NPRL2: variants seen among roughly 807,000 people sequenced by gnomAD.
The protein encoded by NPRL2 is NPR2 like, GATOR1 complex subunit, also known as GATOR1 complex protein NPRL2.
In NPRL2, 21 loss-of-function variants were observed where a neutral mutation model predicts 51.1. The ratio of observed to expected loss-of-function variants is 0.41; its 90% confidence interval spans 0.29 to 0.59. The LOEUF (loss-of-function observed/expected upper bound fraction) is 0.59. Ranked by LOEUF, NPRL2 falls within the 20% of genes least tolerant of loss-of-function variation. The pLI is 0.29. For synonymous variants in NPRL2, 175 were observed against 187.8 expected, an observed-to-expected ratio of 0.93 and a Z score of 0.56; for missense variants, 376 against 483.4, an observed-to-expected ratio of 0.78 and a Z score of 2.08.
In NPRL2 at chr3:50,350,743, G is replaced by T; in HGVS notation, c.-91C>A. The T allele has an allele frequency of 6.6e-7, 1 of 1,509,926 alleles. No homozygotes were observed. The highest frequency in any genetic ancestry group is 8.9e-7 in the Non-Finnish European group (1 of 1,128,738). The allele number at this position is 1,509,926 out of a possible 1,614,324, so 93.5% of individuals were successfully genotyped here. On this transcript the variant is annotated 5_prime_UTR_variant, in exon 1 of 11. Coordinates refer to ENST00000232501, the MANE Select transcript of NPRL2 (RefSeq NM_006545.5). The surrounding 1 kb of genome is among the most constrained non-coding windows in gnomAD (Gnocchi z 5.7). ...AACACTTGTCAGAGACAGCCTCGAG[G>T]CCTGTGTCGCTGGGGCACGCAAGCT...
Position 50,347,542 on chromosome 3 carries a change from T to TA in NPRL2, c.*63dup. The TA allele has an allele frequency of 6.3e-7, 1 of 1,581,904 alleles. No individual in the cohort carries two copies. The highest frequency in any genetic ancestry group is 8.7e-7 in the Non-Finnish European group (1 of 1,155,662). On this transcript the variant is annotated 3_prime_UTR_variant, in exon 11 of 11. Transcript: ENST00000232501. ...GAACTAAGAGTCAACCTCTAGACAGTATGACAAGCCTCCTAGTAGGAGGGA... is the reference window on the plus strand; with the variant it reads ...GAACTAAGAGTCAACCTCTAGACAGTAATGACAAGCCTCCTAGTAGGAGGGA...
At position 50,347,681 on chromosome 3, in the gene NPRL2, G is replaced by A. The variant is rs1336026367; in HGVS notation, c.1076-8C>T. 6.2e-7 allele frequency: 1 copy of A among 1,614,018 alleles called. No homozygotes were observed. Among genetic ancestry groups the A allele is most frequent in the Non-Finnish European group, 8.5e-7 (1 of 1,180,018 alleles). On this transcript the variant is annotated splice_polypyrimidine_tract_variant and splice_region_variant and intron_variant, in intron 10 of 10. Coordinates refer to ENST00000232501, the MANE Select transcript of NPRL2 (RefSeq NM_006545.5). The stretch of plus-strand genomic sequence containing the variant: ...GCTCATGGTAGCTCATGCCTGGGTG[G>A]GGTGGTGGAGGAGAGGTCAGTGGCC...
rs895417987 is a variant in NPRL2 at position 50,350,187 on chromosome 3, T to C, written c.79-165A>G. 3.2e-6 allele frequency: 2 copies of C among 621,306 alleles called. No individual in the cohort carries two copies. Among genetic ancestry groups the C allele is most frequent in the Non-Finnish European group, 5.7e-6 (2 of 351,562 alleles). 38.5% of individuals were successfully genotyped at this position (621,306 alleles called of 1,614,324 possible). ...TCTTTCTGTTTCCAAACATACGCTATGATCTCACCTCCTTCCTGGCTTCTG... is the reference window on the plus strand; with the variant it reads ...TCTTTCTGTTTCCAAACATACGCTACGATCTCACCTCCTTCCTGGCTTCTG... On this transcript the variant is annotated intron_variant, in intron 1 of 10. Coordinates refer to ENST00000232501, the MANE Select transcript of NPRL2 (RefSeq NM_006545.5). The surrounding 1 kb of genome is among the most constrained non-coding windows in gnomAD (Gnocchi z 5.7).
In NPRL2 at chr3:50,350,709, C is replaced by A; in HGVS notation, c.-57G>T. On this transcript the variant is annotated 5_prime_UTR_variant, in exon 1 of 11. Coordinates refer to ENST00000232501, the MANE Select transcript of NPRL2 (RefSeq NM_006545.5). This position sits in a 1 kb window ranked among gnomAD's most constrained non-coding sequence, Gnocchi z 5.7. ...CGTTCCTCGCGCAGAGGCGTCCCCA[C>A]CTCCTGTGAACACTTGTCAGAGACA... is the stretch of plus-strand genomic sequence containing the variant. 6.4e-7 allele frequency: 1 copy of A among 1,554,250 alleles called. No individual in the cohort carries two copies. The highest frequency in any genetic ancestry group is 8.7e-7 in the Non-Finnish European group (1 of 1,150,514).
chr3:50,348,456 A>G lies in NPRL2; in HGVS notation c.721-46T>C, dbSNP rs1280802569. 2.5e-6 allele frequency: 4 copies of G among 1,612,984 alleles called. No individual in the cohort carries two copies. The African/African-American group carries it at 5.3e-5, about 22-fold the overall frequency. On this transcript the variant is annotated intron_variant, in intron 7 of 10. Coordinates refer to ENST00000232501, the MANE Select transcript of NPRL2 (RefSeq NM_006545.5). The surrounding 1 kb of genome is among the most constrained non-coding windows in gnomAD (Gnocchi z 5.8). ...TAGGGGCCTGAGTGAGGGGCTTGGGAAGCTGACACAGCCCTGGTCTGGTCC... is the reference window on the plus strand; with the variant it reads ...TAGGGGCCTGAGTGAGGGGCTTGGGGAGCTGACACAGCCCTGGTCTGGTCC...
At position 50,348,514 on chromosome 3, in the gene NPRL2, C is replaced by T; in HGVS notation, c.720+13G>A. 6.2e-7 allele frequency: 1 copy of T among 1,614,062 alleles called. No individual in the cohort carries two copies. The highest frequency in any genetic ancestry group is 8.5e-7 in the Non-Finnish European group (1 of 1,180,014). ...TGATCCACTCTCCACTTAACCAAACCCAACTCACCTACCTGGAGGATGGAC... is the reference window on the plus strand; with the variant it reads ...TGATCCACTCTCCACTTAACCAAACTCAACTCACCTACCTGGAGGATGGAC... On this transcript the variant is annotated intron_variant, in intron 7 of 10. Transcript: ENST00000232501. This position sits in a 1 kb window ranked among gnomAD's most constrained non-coding sequence, Gnocchi z 5.8.
chr3:50,348,312 A>G lies in NPRL2; in HGVS notation c.814+5T>C. 1.4e-5 allele frequency: 22 copies of G among 1,613,864 alleles called. No homozygotes were observed. The highest frequency in any genetic ancestry group is 1.9e-5 in the Non-Finnish European group (22 of 1,179,988). ...AAGATGGCTTCCCCCAGAACCCACC[A>G]CTACCTTGCTTGGTCACGTAGGATA... On this transcript the variant is annotated splice_donor_5th_base_variant and intron_variant, in intron 8 of 10. Transcript: ENST00000232501. The surrounding 1 kb of genome is among the most constrained non-coding windows in gnomAD (Gnocchi z 5.8).
In NPRL2 at chr3:50,349,010, T is replaced by A; in HGVS notation, c.449A>T (p.Asp150Val). ...NASGRCTLPI[D>V]ESNTIHLKVI... ...CTTCAAGTGGATGGTGTTGGACTCATCTGCAGGGGGCCCCATCCATATCCT... is the reference window on the plus strand; with the variant it reads ...CTTCAAGTGGATGGTGTTGGACTCAACTGCAGGGGGCCCCATCCATATCCT... The change falls in exon 5 of 11, where the codon GAT becomes GTT. Residue 150 changes from aspartate (D) to valine (V), a missense_variant and splice_region_variant. Coordinates refer to ENST00000232501, the MANE Select transcript of NPRL2 (RefSeq NM_006545.5). The surrounding 1 kb of genome is among the most constrained non-coding windows in gnomAD (Gnocchi z 4.6). 1 of 1,613,216 alleles carries A rather than the reference T, an allele frequency of 6.2e-7. No homozygotes were observed. The highest frequency in any genetic ancestry group is 8.5e-7 in the Non-Finnish European group (1 of 1,179,696).
chr3:50,350,137 C>A lies in NPRL2; in HGVS notation c.79-115G>T. 2 of 779,020 alleles carry A rather than the reference C, an allele frequency of 2.6e-6. No individual in the cohort carries two copies. The highest frequency in any genetic ancestry group is 4.4e-6 in the Non-Finnish European group (2 of 459,394). 48.3% of individuals were successfully genotyped at this position (779,020 alleles called of 1,614,324 possible). A position where few individuals can be genotyped will look rare whatever the true frequency, so the allele number is the denominator to read the frequency against. Reference sequence around the variant, plus strand: ...GTCCTCTTCTCCAGCGTTCCCCTCTCTCCCATCCACTCAGGCCTATTACTT... The same window carrying A: ...GTCCTCTTCTCCAGCGTTCCCCTCTATCCCATCCACTCAGGCCTATTACTT... On this transcript the variant is annotated intron_variant, in intron 1 of 10. Transcript: ENST00000232501. The surrounding 1 kb of genome is among the most constrained non-coding windows in gnomAD (Gnocchi z 5.7).
At position 50,349,188 on chromosome 3, in the gene NPRL2, G is replaced by C. The variant is rs1349316348; in HGVS notation, c.449-178C>G. 2.3e-6 allele frequency: 2 copies of C among 870,926 alleles called. No individual in the cohort carries two copies. The highest frequency in any genetic ancestry group is 3.5e-6 in the Non-Finnish European group (2 of 574,046). 53.9% of individuals were successfully genotyped at this position (870,926 alleles called of 1,614,324 possible). The stretch of plus-strand genomic sequence containing the variant: ...AGGGGAAGGAATTGCCCAAGGGGCA[G>C]AGCTGGAGAGCTCTGCTTTCCCCCT... On this transcript the variant is annotated intron_variant, in intron 4 of 10. Coordinates refer to ENST00000232501, the MANE Select transcript of NPRL2 (RefSeq NM_006545.5). The surrounding 1 kb of genome is among the most constrained non-coding windows in gnomAD (Gnocchi z 4.6).
At position 50,349,851 on chromosome 3, in the gene NPRL2, A is replaced by G; in HGVS notation, c.171-18T>C. On this transcript the variant is annotated intron_variant, in intron 2 of 10. Coordinates refer to ENST00000232501, the MANE Select transcript of NPRL2 (RefSeq NM_006545.5). The surrounding 1 kb of genome is among the most constrained non-coding windows in gnomAD (Gnocchi z 4.6). ...TAGCTGTGCTGGATAATTGGAACAC[A>G]GTCAGGCCCCCAAGCCTGTCCCTTC... is the stretch of plus-strand genomic sequence containing the variant. 1 of 1,611,998 alleles carries G rather than the reference A, an allele frequency of 6.2e-7. No individual in the cohort carries two copies. The highest frequency in any genetic ancestry group is 8.5e-7 in the Non-Finnish European group (1 of 1,178,454).
At position 50,348,354 on chromosome 3, in the gene NPRL2, G is replaced by A. The variant is rs779393674; in HGVS notation, c.777C>T (p.Ser259=). The A allele has an allele frequency of 6.2e-7, 1 of 1,613,928 alleles. No individual in the cohort carries two copies. Among genetic ancestry groups the A allele is most frequent in the South Asian group, 1.1e-5 (1 of 91,080 alleles). ...CGTAGGATAGACATGCCTCTTGCAGGGACTTGTCATCTACCAGGTCCTGGA... is the reference window on the plus strand; with the variant it reads ...CGTAGGATAGACATGCCTCTTGCAGAGACTTGTCATCTACCAGGTCCTGGA... The part of the protein sequence containing the change: ...PKVQDLVDDK[S]LQEACLSYVT... Residue 259 remains serine (S), a synonymous_variant, in exon 8 of 11, where the codon TCC becomes TCT. Coordinates refer to ENST00000232501, the MANE Select transcript of NPRL2 (RefSeq NM_006545.5). The surrounding 1 kb of genome is among the most constrained non-coding windows in gnomAD (Gnocchi z 5.8).
Position 50,349,371 on chromosome 3 carries a change from A to G in NPRL2, c.448+15T>C, listed in dbSNP as rs1379602142. ...TCCTCTACCCCTCTGCTGTCCTTGC[A>G]GAGGCTGGCCATACCAATGGGCAGA... On this transcript the variant is annotated intron_variant, in intron 4 of 10. Transcript: ENST00000232501. The surrounding 1 kb of genome is among the most constrained non-coding windows in gnomAD (Gnocchi z 4.6). 6.2e-7 allele frequency: 1 copy of G among 1,606,776 alleles called. No homozygotes were observed. The highest frequency in any genetic ancestry group is 8.5e-7 in the Non-Finnish European group (1 of 1,173,990).
chr3:50,349,354 C>G lies in NPRL2; in HGVS notation c.448+32G>C. 1 of 1,556,482 alleles carries G rather than the reference C, an allele frequency of 6.4e-7. No homozygotes were observed. The highest frequency in any genetic ancestry group is 8.9e-7 in the Non-Finnish European group (1 of 1,128,400). The stretch of plus-strand genomic sequence containing the variant: ...GTTCACTTTCCCATCTCTCCTCTAC[C>G]CCTCTGCTGTCCTTGCAGAGGCTGG... On this transcript the variant is annotated intron_variant, in intron 4 of 10. Coordinates refer to ENST00000232501, the MANE Select transcript of NPRL2 (RefSeq NM_006545.5). This position sits in a 1 kb window ranked among gnomAD's most constrained non-coding sequence, Gnocchi z 4.6.
rs1559858329 is a variant in NPRL2, at chr3:50,350,399, C to CT, written c.78+175dup. 1 of 676,364 alleles carries CT rather than the reference C, an allele frequency of 1.5e-6. No individual in the cohort carries two copies. Among genetic ancestry groups the CT allele is most frequent in the Non-Finnish European group, 2.5e-6 (1 of 401,730 alleles). The allele number at this position is 676,364 out of a possible 1,614,324, so 41.9% of individuals were successfully genotyped here. On this transcript the variant is annotated intron_variant, in intron 1 of 10. Coordinates refer to ENST00000232501, the MANE Select transcript of NPRL2 (RefSeq NM_006545.5). The surrounding 1 kb of genome is among the most constrained non-coding windows in gnomAD (Gnocchi z 5.7). ...CAAACACTGCCAATGTGACGTATGT[C>CT]TTCCCTGCCACATTGGGAGCCGGGG...
Position 50,347,609 on chromosome 3 carries a change from C to G in NPRL2, c.1140G>C (p.Lys380Asn). 1 of 1,614,118 alleles carries G rather than the reference C, an allele frequency of 6.2e-7. No individual in the cohort carries two copies. The highest frequency in any genetic ancestry group is 1.1e-5 in the South Asian group (1 of 91,086). Residue 380 changes from lysine (K) to asparagine (N), a missense_variant, in exon 11 of 11, where the codon AAG becomes AAC. Lys to Asn is a moderately conservative substitution (Grantham distance 94). Transcript: ENST00000232501. The stretch of plus-strand genomic sequence containing the variant: ...GTCCATCCAGTCACTACCAGCCTCA[C>G]TTCCAGCAGATGATGATGTTGGGGT... Reference protein sequence around the residue: ...ENDPNIIICWK With the variant: ...ENDPNIIICWN
Position 50,349,894 on chromosome 3 carries a change from C to T in NPRL2, c.170+37G>A, listed in dbSNP as rs587700840. On this transcript the variant is annotated intron_variant, in intron 2 of 10. Transcript: ENST00000232501. The surrounding 1 kb of genome is among the most constrained non-coding windows in gnomAD (Gnocchi z 4.6). ...GTCCCTTCCTCCTCCTGGGACAACC[C>T]CTGCCACCCACCGCTCACCCCGAGC... is the stretch of plus-strand genomic sequence containing the variant. The T allele has an allele frequency of 5.0e-6, 8 of 1,613,624 alleles. No individual in the cohort carries two copies. The African/African-American group carries it at 8.0e-5, about 16-fold the overall frequency.
chr3:50,347,826 T>C lies in NPRL2; in HGVS notation c.1008A>G (p.Glu336=). Residue 336 remains glutamate (E), a synonymous_variant, in exon 10 of 11, where the codon GAA becomes GAG. Transcript: ENST00000232501. ...AAAGCCGGGCAGGGTGGCTCTGCTC[T>C]TCCCGAGTCACCCGCACAGGATACT... The part of the protein sequence containing the change: ...LQKYPVRVTR[E]EQSHPARLYT... 6.2e-7 allele frequency: 1 copy of C among 1,614,058 alleles called. No individual in the cohort carries two copies. The highest frequency in any genetic ancestry group is 8.5e-7 in the Non-Finnish European group (1 of 1,180,038).
rs753339148 is a variant in NPRL2 at position 50,349,674 on chromosome 3, G to A, written c.330C>T (p.Thr110=). Residue 110 remains threonine (T), a synonymous_variant, in exon 3 of 11, where the codon ACC becomes ACT. Transcript: ENST00000232501. The surrounding 1 kb of genome is among the most constrained non-coding windows in gnomAD (Gnocchi z 4.6). ...CCATCTCATTGCAGACCTCTAGTGT[G>A]GTCAGATAGCCAGCCAGCTTTTTAA... The part of the protein sequence containing the change: ...PIVKKLAGYL[T]TLELESSFVS... 1.9e-6 allele frequency: 3 copies of A among 1,612,458 alleles called. No homozygotes were observed.
Sources: gnomAD v4.1 joint callset for allele counts on GRCh38, gnomAD v4.1.1 for gene constraint, Gnocchi (gnomAD v3.1) non-coding constraint, MANE v1.5 for transcripts, NCBI Gene and HGNC (gene_info 2026-07-23, HGNC 2026-07-21) for gene names.